Variants in POLR2B observed in about 807,000 individuals in gnomAD.
The protein encoded by POLR2B is RNA polymerase II subunit B.
POLR2B carries 57 observed loss-of-function variants against 144.6 expected under a neutral mutation model. That is an observed-to-expected ratio of 0.39 (90% confidence interval 0.32 to 0.49). The LOEUF is 0.49. Among genes scored for constraint, POLR2B ranks in the 20% least tolerant of loss-of-function variants. POLR2B has a pLI of 0.83. For synonymous variants in POLR2B, 442 were observed against 469.8 expected (o/e 0.94, Z 0.77); for missense variants, 595 against 1,467.4 (o/e 0.41, Z 9.71).
At chr4:57,008,952 G>A (rs913697957) in intron 10 of POLR2B, among the ~76,000 whole-genome samples, 2 of 152,186 alleles carry the variant, frequency 1.3e-5, no homozygotes, top group Non-Finnish European at 1.5e-5. Flanking sequence ...ACCAGCTCAT[G>A]AAGAGGAGTG....
At chr4:57,018,154 G>A (rs992236093) in intron 16 of POLR2B, among the ~76,000 whole-genome samples, 1 of 152,188 alleles carries the variant, frequency 6.6e-6, no homozygotes, top group African/African-American at 2.4e-5. Flanking sequence ...TGGTCTCAGT[G>A]TGGAGAGAGC....
chr4:57,028,068 ATTTC>A (rs1723782543), intron 23 of POLR2B, among the ~76,000 whole-genome samples: 1 of 152,062 alleles, frequency 6.6e-6, no homozygotes, highest in Non-Finnish European at 1.5e-5. Flanking sequence ...CTTTTTGTTC[ATTTC>A]TTTGTCTGCC....
intron 7 of POLR2B, among the ~76,000 whole-genome samples, chr4:57,000,178 A>G (rs1237249159): frequency 6.6e-6 from 1 of 152,240 alleles, no homozygotes; most frequent in Non-Finnish European, 1.5e-5. Flanking sequence ...ATTCACGCCT[A>G]TAATCTCAGC....
intron 6 of POLR2B, among the ~76,000 whole-genome samples, chr4:56,998,221 A>AT (rs71657245): frequency 0.065 from 9,257 of 143,150 alleles, 333 homozygotes; most frequent in Middle Eastern, 0.088. Context: ...TTTTCTTTAA[A>AT]TTTTTTTTTT....
At chr4:57,030,838 G>A in intron 24 of POLR2B, 61 bp from the exon 25 acceptor site, 1 of 915,514 alleles carries the variant, frequency 1.1e-6, no homozygotes, top group Non-Finnish European at 1.8e-6. Flanking sequence ...TTTTTCTGGG[G>A]TAGAGAAGTG....
Position 57,017,757 on chromosome 4 carries a change from A to G in POLR2B, c.2323+29A>G. On this transcript the variant is annotated intron_variant, in intron 16 of 24. Transcript: ENST00000314595. This position sits in a 1 kb window ranked among gnomAD's most constrained non-coding sequence, Gnocchi z 4.8. Reference sequence around the variant, plus strand: ...TGGTCAGTTTTGCTCTACGTTATTTAAGATCCTTCTGTGCTTAAGGCACTT... The same window carrying G: ...TGGTCAGTTTTGCTCTACGTTATTTGAGATCCTTCTGTGCTTAAGGCACTT... The G allele has an allele frequency of 6.3e-7, 1 of 1,582,942 alleles. No individual in the cohort carries two copies. The highest frequency in any genetic ancestry group is 8.6e-7 in the Non-Finnish European group (1 of 1,158,866).
chr4:57,006,839 A>T lies in POLR2B; in HGVS notation c.1241A>T (p.Glu414Val), dbSNP rs1301893947. 6.2e-7 allele frequency: 1 copy of T among 1,613,022 alleles called. No homozygotes were observed. The highest frequency in any genetic ancestry group is 2.2e-5 in the East Asian group (1 of 44,866). Residue 414 changes from glutamate to valine, a missense_variant, in exon 10 of 25, where the codon GAA becomes GTA. Transcript: ENST00000314595. Reference protein sequence around the residue: ...FRGMFKNLLKEVRIYAQKFID... With the variant: ...FRGMFKNLLKVVRIYAQKFID... ...AGTATGTTTAAGAATTTGCTTAAAG[A>T]AGTGCGGATCTATGCACAGAAATTT...
rs1437885297 is a variant in POLR2B, at chr4:57,011,100, A to G, written c.1800A>G (p.Glu600=). The change falls in exon 13 of 25, where the codon GAA becomes GAG. Residue 600 remains glutamate (E), a splice_region_variant and synonymous_variant. Transcript: ENST00000314595. Reference sequence around the variant, plus strand: ...GTCAGATGGACATCATTGTGTCTGAAGTAAGAATCTTTAGTTAAGAGGGTG... The same window carrying G: ...GTCAGATGGACATCATTGTGTCTGAGGTAAGAATCTTTAGTTAAGAGGGTG... ...LRRQMDIIVS[E]VSMIRDIRER... 6.3e-7 allele frequency: 1 copy of G among 1,582,748 alleles called. No individual in the cohort carries two copies. Among genetic ancestry groups the G allele is most frequent in the Non-Finnish European group, 8.7e-7 (1 of 1,151,358 alleles).
rs1225873779 is a variant in POLR2B, at chr4:56,994,430, A to G, written c.270A>G (p.Gln90=). ...EPPRYLLKFE[Q]IYLSKPTHWE... is the part of the protein sequence containing the mutation. ...CACGATATTTGCTGAAGTTTGAACA[A>G]ATTTATCTTTCCAAGCCTACCCATT... Residue 90 remains glutamine (Q), a synonymous_variant, in exon 4 of 25, where the codon CAA becomes CAG. Transcript: ENST00000314595. 8 of 1,602,584 alleles carry G rather than the reference A, an allele frequency of 5.0e-6. No individual in the cohort carries two copies. Among genetic ancestry groups the G allele is most frequent in the Non-Finnish European group, 6.8e-6 (8 of 1,170,118 alleles).
At chr4:56,993,225 C>T (rs1011391156) in intron 3 of POLR2B, among the ~76,000 whole-genome samples, 8 of 151,352 alleles carry the variant, frequency 5.3e-5, no homozygotes, top group Non-Finnish European at 1.2e-4. Flanking sequence ...ATCACTTGAA[C>T]CCAGGAGGTG....
chr4:56,996,276 A>ATTT (rs1560474600), intron 6 of POLR2B, among the ~76,000 whole-genome samples: 2 of 85,582 alleles, frequency 2.3e-5, no homozygotes, highest in East Asian at 3.6e-4. Flanking sequence ...ATATATATAT[A>ATTT]TATTTTTTTT....
At chr4:57,006,652 A>C (rs1032090757) in intron 9 of POLR2B, among the ~76,000 whole-genome samples, 164 bp from the exon 10 acceptor site, 2 of 152,182 alleles carry the variant, frequency 1.3e-5, no homozygotes, top group Non-Finnish European at 2.9e-5. Context: ...ATGTTCACGT[A>C]CTATACATAT....
chr4:57,021,347 A>G (rs1019120389), intron 17 of POLR2B, among the ~76,000 whole-genome samples: 4 of 152,224 alleles, frequency 2.6e-5, no homozygotes, highest in African/African-American at 9.6e-5. Context: ...GTCGACAAAC[A>G]GACCTCAAAT....
chr4:57,003,721 T>C (rs1483440207), intron 7 of POLR2B, among the ~76,000 whole-genome samples: 3 of 151,968 alleles, frequency 2.0e-5, no homozygotes, highest in Non-Finnish European at 4.4e-5. Flanking sequence ...TGCATGCCTG[T>C]AATCCCAGCT....
intron 17 of POLR2B, among the ~76,000 whole-genome samples, chr4:57,021,644 A>G (rs896271975): frequency 6.7e-6 from 1 of 148,824 alleles, no homozygotes; most frequent in African/African-American, 2.4e-5. Context: ...ACGCACCACC[A>G]TGCCAGAGTT....
chr4:56,982,988 A>G (rs1722203299), intron 1 of POLR2B, among the ~76,000 whole-genome samples: 1 of 152,138 alleles, frequency 6.6e-6, no homozygotes, highest in South Asian at 2.1e-4. Context: ...CCACTTCTCT[A>G]TCCCCTCCAC....
At chr4:56,997,602 TATGGATTTATATAAGCAG>T (rs1294923281) in intron 6 of POLR2B, among the ~76,000 whole-genome samples, 1 of 152,126 alleles carries the variant, frequency 6.6e-6, no homozygotes. Context: ...TGAAAGATGG[TATGGATTTATATAAGCAG>T]AGAGAAACTG....
chr4:56,982,833 C>A (rs1722197423), intron 1 of POLR2B, among the ~76,000 whole-genome samples: 1 of 152,090 alleles, frequency 6.6e-6, no homozygotes, highest in Admixed American at 6.6e-5. Flanking sequence ...AAACCAGTCT[C>A]CAATGGACAC....
chr4:56,997,943 G>A (rs1722739727), intron 6 of POLR2B, among the ~76,000 whole-genome samples: 3 of 152,164 alleles, frequency 2.0e-5, no homozygotes. Context: ...CATCGGCCTG[G>A]ATGACAGAGG....
Sources: allele counts gnomAD v4.1 joint callset (sites outside exome capture counted in the v4.1 genomes callset), GRCh38; gene constraint gnomAD v4.1.1; non-coding constraint Gnocchi (gnomAD v3.1); transcripts MANE v1.5; gene names NCBI Gene and HGNC (gene_info 2026-07-23, HGNC 2026-07-21).